Variants in KNTC1 observed in about 807,000 individuals in gnomAD.
KNTC1 encodes kinetochore-associated protein 1.
Under a neutral mutation model 314.4 loss-of-function variants are expected in KNTC1, and 253 were observed. That is an observed-to-expected ratio of 0.80 (90% confidence interval 0.73 to 0.89). KNTC1 has a LOEUF of 0.89. KNTC1 is among the 40% of genes least tolerant of loss of function. The pLI, the probability that KNTC1 is intolerant of heterozygous loss-of-function variation, is 0.00. For synonymous variants in KNTC1, 901 were observed against 901.4 expected (o/e 1.00, Z 0.01); for missense variants, 2,475 against 2,572.9 (o/e 0.96, Z 0.82).
chr12:122,587,735 T>C lies in KNTC1; in HGVS notation c.3755T>C (p.Ile1252Thr), dbSNP rs755726457. Residue 1252 changes from isoleucine (I) to threonine (T), a missense_variant, in exon 39 of 64, where the codon ATA (isoleucine) becomes ACA (threonine). Ile to Thr is a moderately conservative substitution (Grantham distance 89, BLOSUM62 -1). Coordinates refer to ENST00000333479, the MANE Select transcript of KNTC1 (RefSeq NM_014708.6). Reference protein sequence around the residue: ...NEGDGLVLPVINSISALLQNL... With the variant: ...NEGDGLVLPVTNSISALLQNL... The stretch of plus-strand genomic sequence containing the variant: ...GGAGATGGCCTTGTTTTACCTGTTA[T>C]AAATTCCATCTCTGCCCTGCTTCAG... 6.2e-7 allele frequency: 1 copy of C among 1,613,592 alleles called. No individual in the cohort carries two copies. The highest frequency in any genetic ancestry group is 1.1e-5 in the South Asian group (1 of 91,000).
chr12:122,544,888 A>G (rs1160095682), intron 8 of KNTC1, among the ~76,000 whole-genome samples: 1 of 152,244 alleles, frequency 6.6e-6, no homozygotes, highest in Non-Finnish European at 1.5e-5. Context: ...GGTCCTAAAG[A>G]GTAAAGTGTC....
At chr12:122,577,290 A>G (rs982799738) in intron 30 of KNTC1, among the ~76,000 whole-genome samples, 1 of 152,090 alleles carries the variant, frequency 6.6e-6, no homozygotes, top group African/African-American at 2.4e-5. Flanking sequence ...ATGATTCTAT[A>G]ATCATAGCAA....
At chr12:122,609,351 A>G (rs1841581550) in intron 51 of KNTC1, 33 bp from the exon 52 acceptor site, 3 of 1,412,038 alleles carry the variant, frequency 2.1e-6, no homozygotes, top group South Asian at 2.5e-5. Flanking sequence ...AAACTTTTTC[A>G]GTTTTTGACC....
Position 122,582,894 on chromosome 12 carries a change from G to A in KNTC1, c.3172G>A (p.Ala1058Thr), listed in dbSNP as rs1868627642. 1 of 1,613,020 alleles carries A rather than the reference G, an allele frequency of 6.2e-7. No individual in the cohort carries two copies. Among genetic ancestry groups the A allele is most frequent in the Non-Finnish European group, 8.5e-7 (1 of 1,179,546 alleles). The change falls in exon 34 of 64, where the codon GCC (alanine) becomes ACC (threonine). Residue 1058 changes from alanine (A) to threonine (T), a missense_variant. Coordinates refer to ENST00000333479, the MANE Select transcript of KNTC1 (RefSeq NM_014708.6). ...MESKLHRQAL[A>T]LQMSKQELEA... ...ATCAAAGCTGCACAGACAGGCACTG[G>A]CCCTGCAGATGTCCAAACAAGAGCT...
intron 37 of KNTC1, 115 bp from the exon 38 acceptor site, chr12:122,586,586 A>T (rs1869342546): frequency 3.4e-6 from 1 of 290,210 alleles, no homozygotes; most frequent in Non-Finnish European, 6.6e-6. Context: ...AGTTGTATGA[A>T]TTTAAGGGGT....
At chr12:122,548,864 A>C (rs1034321893) in intron 12 of KNTC1, among the ~76,000 whole-genome samples, 1 of 152,016 alleles carries the variant, frequency 6.6e-6, no homozygotes, top group African/African-American at 2.4e-5. Context: ...GTTACTCGAG[A>C]GGCTGAGACA....
chr12:122,617,260 A>G (rs544371381), intron 57 of KNTC1: 78 of 289,452 alleles, frequency 2.7e-4, no homozygotes, highest in Non-Finnish European at 5.0e-4. Context: ...CAGTAACTCT[A>G]TGTTTAGCCT....
At chr12:122,530,334 T>G (rs1961212598) in intron 2 of KNTC1, 142 bp downstream of exon 2, 1 of 702,676 alleles carries the variant, frequency 1.4e-6, no homozygotes, top group Non-Finnish European at 2.3e-6. Context: ...TGCTAGAAAT[T>G]CACGTCTGAA....
At chr12:122,587,045 G>A (rs757097526) in intron 38 of KNTC1, among the ~76,000 whole-genome samples, 1 of 152,206 alleles carries the variant, frequency 6.6e-6, no homozygotes, top group Non-Finnish European at 1.5e-5. Flanking sequence ...TTGAACTCCT[G>A]ACGTCAGGTG....
At chr12:122,581,031 A>G (rs887881109) in intron 33 of KNTC1, among the ~76,000 whole-genome samples, 141 of 151,388 alleles carry the variant, frequency 9.3e-4, no homozygotes, top group African/African-American at 3.2e-3. Flanking sequence ...CCATCTCAAA[A>G]AAAAAAAAAA....
chr12:122,538,796 G>T (rs1290663711), intron 4 of KNTC1, among the ~76,000 whole-genome samples: 1 of 152,158 alleles, frequency 6.6e-6, no homozygotes, highest in Non-Finnish European at 1.5e-5. Context: ...GGTGAAAAAG[G>T]GAGTGATTTG....
At chr12:122,546,065 G>T in intron 8 of KNTC1, 111 bp from the exon 9 acceptor site, 1 of 679,958 alleles carries the variant, frequency 1.5e-6, no homozygotes, top group Non-Finnish European at 2.6e-6. Flanking sequence ...GTTAGAATAT[G>T]TAAATATATT....
chr12:122,529,009 A>G (rs1961080234), intron 1 of KNTC1, among the ~76,000 whole-genome samples: 1 of 151,912 alleles, frequency 6.6e-6, no homozygotes, highest in Non-Finnish European at 1.5e-5. Flanking sequence ...CGCCCGGCTA[A>G]TTTTTTGTGT....
rs1963193248 is a variant in KNTC1 at position 122,551,461 on chromosome 12, G to T, written c.1134G>T (p.Leu378Phe). 6.3e-7 allele frequency: 1 copy of T among 1,583,058 alleles called. No individual in the cohort carries two copies. Among genetic ancestry groups the T allele is most frequent in the Non-Finnish European group, 8.6e-7 (1 of 1,162,672 alleles). Residue 378 changes from leucine to phenylalanine, a missense_variant, in exon 15 of 64, where the codon TTG becomes TTT. Physicochemically the swap from Leu to Phe is conservative, Grantham distance 22. Transcript: ENST00000333479. ...LEGVCKNDPK[L>F]SEDSVSVLVL... is the part of the protein sequence containing the mutation. The stretch of plus-strand genomic sequence containing the variant: ...TTATAGTTAAAATTTTTTCTAGATT[G>T]TCTGAAGACTCAGTCTCTGTGTTAG...
In KNTC1 at chr12:122,581,789, G is replaced by A. The variant is rs114014677; in HGVS notation, c.2983-916G>A. On this transcript the variant is annotated intron_variant, in intron 33 of 63. Coordinates refer to ENST00000333479, the MANE Select transcript of KNTC1 (RefSeq NM_014708.6). ...GGATTATAGGTGTGAGCCACCGTGC[G>A]TGGATGCATTATTAATTTTGTTAAA... 8.6e-3 allele frequency among the ~76,000 whole-genome samples: 1,310 copies of A among 152,252 alleles called. 16 individuals carry two copies. The highest frequency in any genetic ancestry group is 0.03 in the African/African-American group (1,263 of 41,552).
Position 122,534,774 on chromosome 12 carries a change from T to A in KNTC1, c.240T>A (p.His80Gln). 2 of 1,612,978 alleles carry A rather than the reference T, an allele frequency of 1.2e-6. No homozygotes were observed. The highest frequency in any genetic ancestry group is 1.7e-6 in the Non-Finnish European group (2 of 1,179,240). The change falls in exon 3 of 64, where the codon CAT (histidine) becomes CAA (glutamine). Residue 80 changes from histidine to glutamine, a missense_variant. Physicochemically the swap from His to Gln is conservative, Grantham distance 24. Transcript: ENST00000333479. ...LDSICRSLQLHLVFDTEVDVV... is the reference protein window; with the variant it reads ...LDSICRSLQLQLVFDTEVDVV... ...GTATTTGTAGATCACTTCAATTGCA[T>A]CTTGTCTTTGGTAAGTATAATGTAG...
chr12:122,586,688 T>A lies in KNTC1; in HGVS notation c.3674-13T>A, dbSNP rs1221723017. On this transcript the variant is annotated splice_polypyrimidine_tract_variant and intron_variant, in intron 37 of 63. Coordinates refer to ENST00000333479, the MANE Select transcript of KNTC1 (RefSeq NM_014708.6). ...CTATTTAGTGTTGTTTAATGTTTTA[T>A]TATCTTTTGTAGAAAGCAAGAGATA... The A allele has an allele frequency of 7.1e-7, 1 of 1,402,894 alleles. No homozygotes were observed. Among genetic ancestry groups the A allele is most frequent in the Non-Finnish European group, 9.6e-7 (1 of 1,045,210 alleles). The allele number at this position is 1,402,894 out of a possible 1,614,324, so 86.9% of individuals were successfully genotyped here.
In KNTC1 at chr12:122,538,350, G is replaced by A. The variant is rs778462805; in HGVS notation, c.262G>A (p.Asp88Asn). ...QLHLVFDTEV[D>N]VVGLCQEGKF... ...TTTGAAATTTTCAGATACTGAAGTG[G>A]ATGTAGTTGGCCTTTGTCAAGAAGG... Residue 88 changes from aspartate (D) to asparagine (N), a missense_variant, in exon 4 of 64, where the codon GAT (aspartate) becomes AAT (asparagine). Coordinates refer to ENST00000333479, the MANE Select transcript of KNTC1 (RefSeq NM_014708.6). 2 of 1,587,658 alleles carry A rather than the reference G, an allele frequency of 1.3e-6. No homozygotes were observed. Among genetic ancestry groups the A allele is most frequent in the Admixed American group, 3.5e-5 (2 of 57,464 alleles).
At chr12:122,584,752 G>T in intron 35 of KNTC1, 141 bp from the exon 36 acceptor site, 2 of 564,532 alleles carry the variant, frequency 3.5e-6, no homozygotes, top group Non-Finnish European at 3.0e-6. Context: ...TAACTTTTTA[G>T]GGTAGTCAAA....
Sources: gnomAD v4.1 joint callset for allele counts (sites outside exome capture counted in the v4.1 genomes callset) on GRCh38, gnomAD v4.1.1 for gene constraint, MANE v1.5 for transcripts, NCBI Gene and HGNC (gene_info 2026-07-23, HGNC 2026-07-21) for gene names.